The following SESN3 variants were observed in gnomAD, a reference collection of about 807,000 sequenced individuals.
SESN3 encodes sestrin 3.
In SESN3, 21 loss-of-function variants were observed where a neutral mutation model predicts 55.3. The observed-to-expected ratio is 0.38, with a 90% CI of 0.27 to 0.55. The LOEUF (loss-of-function observed/expected upper bound fraction) is 0.55, where lower values mean the gene tolerates loss of function less well. SESN3 is among the 20% of genes least tolerant of loss of function. The pLI, the probability that SESN3 is intolerant of heterozygous loss-of-function variation, is 0.76. For synonymous variants in SESN3, 181 were observed against 203.1 expected, an observed-to-expected ratio of 0.89 and a Z score of 0.93; for missense variants, 408 against 604.3, an observed-to-expected ratio of 0.68 and a Z score of 3.41.
At chr11:95,184,658 A>G (rs1860129595) in intron 5 of SESN3, 64 bp from the exon 6 acceptor site, 2 of 1,445,334 alleles carry the variant, frequency 1.4e-6, no homozygotes, top group Middle Eastern at 1.8e-4. Context: ...AAATATCTCC[A>G]TCTCCAAATG....
At chr11:95,188,100 C>T (rs188968403) in intron 4 of SESN3, among the ~76,000 whole-genome samples, 52 of 151,302 alleles carry the variant, frequency 3.4e-4, no homozygotes, top group African/African-American at 1.3e-3. Context: ...AATTTATCTT[C>T]TAAATCACCT....
chr11:95,202,055 A>G (rs992245569), intron 1 of SESN3, among the ~76,000 whole-genome samples: 1 of 151,902 alleles, frequency 6.6e-6, no homozygotes, highest in Non-Finnish European at 1.5e-5. Context: ...GCCAACTCCC[A>G]AGGTTTCCTA....
Position 95,230,497 on chromosome 11 carries a change from T to C in SESN3, c.78+286A>G, listed in dbSNP as rs930135641. The C allele has an allele frequency of 2.8e-6, 1 of 363,094 alleles. No individual in the cohort carries two copies. The highest frequency in any genetic ancestry group is 5.0e-6 in the Non-Finnish European group (1 of 199,824). 22.5% of individuals were successfully genotyped at this position (363,094 alleles called of 1,614,324 possible). On this transcript the variant is annotated intron_variant, in intron 1 of 9. Coordinates refer to ENST00000536441, the MANE Select transcript of SESN3 (RefSeq NM_144665.4). This position sits in a 1 kb window ranked among gnomAD's most constrained non-coding sequence, Gnocchi z 4.6. ...AAGGAGCCGACCCGGGGTAGCAAGG[T>C]AGGGAAATGAGCCGTAAAGGAGAGC...
chr11:95,193,626 T>G, intron 1 of SESN3, 104 bp from the exon 2 acceptor site: 1 of 675,852 alleles, frequency 1.5e-6, no homozygotes, highest in Non-Finnish European at 2.5e-6. Context: ...GAATAAATAA[T>G]TAAATTATGT....
intron 1 of SESN3, among the ~76,000 whole-genome samples, chr11:95,216,198 C>T (rs1043843360): frequency 3.3e-5 from 5 of 151,660 alleles, no homozygotes; most frequent in African/African-American, 9.7e-5. Context: ...GTGCTCTACA[C>T]CTTCTGTCAA....
At chr11:95,204,598 T>C (rs1466837734) in intron 1 of SESN3, among the ~76,000 whole-genome samples, 1 of 152,108 alleles carries the variant, frequency 6.6e-6, no homozygotes, top group Non-Finnish European at 1.5e-5. Flanking sequence ...ATGGGATTAG[T>C]GCCCTTTATA....
At chr11:95,192,572 C>T (rs1860287862) in intron 2 of SESN3, among the ~76,000 whole-genome samples, 1 of 152,112 alleles carries the variant, frequency 6.6e-6, no homozygotes, top group Non-Finnish European at 1.5e-5. Context: ...TCTTTCCAAA[C>T]ATCCACACTG....
intron 1 of SESN3, among the ~76,000 whole-genome samples, chr11:95,228,242 A>C (rs1860983989): frequency 6.6e-6 from 1 of 152,216 alleles, no homozygotes; most frequent in Admixed American, 6.5e-5. Flanking sequence ...AGTTCCCCTA[A>C]AATTCAACAC....
Position 95,208,569 on chromosome 11 carries a change from A to C in SESN3, c.79-15047T>G, listed in dbSNP as rs935535185. ...TTTCTTCACAGAATTGAAAGAAACTACTTTAAATTTCATATGGAACCAAAA... is the reference window on the plus strand; with the variant it reads ...TTTCTTCACAGAATTGAAAGAAACTCCTTTAAATTTCATATGGAACCAAAA... On this transcript the variant is annotated intron_variant, in intron 1 of 9. Coordinates refer to ENST00000536441, the MANE Select transcript of SESN3 (RefSeq NM_144665.4). Among the ~76,000 whole-genome samples the C allele has an allele frequency of 3.3e-5, 5 of 151,646 alleles. No homozygotes were observed. In the East Asian group the frequency reaches 9.6e-4, roughly 29 times the overall value.
Position 95,209,806 on chromosome 11 carries a change from T to C in SESN3, c.79-16284A>G, listed in dbSNP as rs1163464856. Among the ~76,000 whole-genome samples the C allele has an allele frequency of 4.0e-5, 6 of 150,348 alleles. No individual in the cohort carries two copies. In the East Asian group the frequency reaches 9.7e-4, roughly 24 times the overall value. On this transcript the variant is annotated intron_variant, in intron 1 of 9. Transcript: ENST00000536441. ...CTGAGGCGGGTGGATCTCCTGAGGT[T>C]AGAAGTTTGAGACCAGCCTGGCTAA...
intron 2 of SESN3, among the ~76,000 whole-genome samples, chr11:95,192,128 T>G (rs1860281049): frequency 6.6e-6 from 1 of 152,112 alleles, no homozygotes; most frequent in South Asian, 2.1e-4. Flanking sequence ...TTAGAAGTGT[T>G]AATTGAAAAA....
chr11:95,167,483 T>C lies in SESN3; in HGVS notation c.*5772A>G, dbSNP rs773709635. On this transcript the variant is annotated 3_prime_UTR_variant, in exon 10 of 10. Coordinates refer to ENST00000536441, the MANE Select transcript of SESN3 (RefSeq NM_144665.4). ...TCATTCTGTTTCCCCCCCATATATA[T>C]AATTTTTCATTCTGTACTTCATGGT... 1.3e-5 allele frequency: 2 copies of C among 151,196 alleles called. No individual in the cohort carries two copies. The highest frequency in any genetic ancestry group is 6.6e-5 in the Admixed American group (1 of 15,234). 9.4% of individuals were successfully genotyped at this position (151,196 alleles called of 1,614,324 possible). A position where few individuals can be genotyped will look rare whatever the true frequency, so the allele number is the denominator to read the frequency against.
At chr11:95,206,365 TACACAC>T (rs3032056) in intron 1 of SESN3, among the ~76,000 whole-genome samples, 5,279 of 140,412 alleles carry the variant, frequency 0.038, 178 homozygotes, top group East Asian at 0.21. Context: ...AGTCCTAAAA[TACACAC>T]ACACACACAC....
chr11:95,179,970 A>C (rs1475555404), intron 6 of SESN3, among the ~76,000 whole-genome samples: 1 of 152,190 alleles, frequency 6.6e-6, no homozygotes, highest in African/African-American at 2.4e-5. Flanking sequence ...AATTTATGGA[A>C]AATAATTCTA....
intron 6 of SESN3, 33 bp from the exon 7 acceptor site, chr11:95,178,861 G>T (rs1189831439): frequency 2.4e-6 from 3 of 1,229,484 alleles, no homozygotes; most frequent in Non-Finnish European, 3.6e-6. Flanking sequence ...TAGTGTTAAG[G>T]ATACTGTACG....
At chr11:95,176,131 T>C (rs1226169095) in intron 8 of SESN3, among the ~76,000 whole-genome samples, 1 of 152,268 alleles carries the variant, frequency 6.6e-6, no homozygotes, top group East Asian at 1.9e-4. Flanking sequence ...TGCTGCCAAA[T>C]AGTCAAATAA....
At chr11:95,207,127 G>T (rs1186729195) in intron 1 of SESN3, among the ~76,000 whole-genome samples, 2 of 149,626 alleles carry the variant, frequency 1.3e-5, no homozygotes, top group African/African-American at 4.9e-5. Context: ...AACACCAGAG[G>T]CCTGCACTAG....
rs988350322 is a variant in SESN3 at position 95,165,594 on chromosome 11, A to G, written c.*7661T>C. On this transcript the variant is annotated 3_prime_UTR_variant, in exon 10 of 10. Coordinates refer to ENST00000536441, the MANE Select transcript of SESN3 (RefSeq NM_144665.4). ...ACCAATAAAATTCCTACTAATAACA[A>G]TGAAATAAATTTCTGCAAGTATAAA... 1.3e-5 allele frequency: 2 copies of G among 152,156 alleles called. No homozygotes were observed. Among genetic ancestry groups the G allele is most frequent in the Non-Finnish European group, 2.9e-5 (2 of 67,998 alleles). 9.4% of individuals were successfully genotyped at this position (152,156 alleles called of 1,614,324 possible).
Position 95,230,537 on chromosome 11 carries a change from A to G in SESN3, c.78+246T>C, listed in dbSNP as rs1861036570. The G allele has an allele frequency of 1.2e-5, 6 of 496,660 alleles. No homozygotes were observed. The South Asian group carries it at 1.4e-4, about 12-fold the overall frequency. 30.8% of individuals were successfully genotyped at this position (496,660 alleles called of 1,614,324 possible). A position where few individuals can be genotyped will look rare whatever the true frequency, so the allele number is the denominator to read the frequency against. ...TAAAGGAGAGCAAAGGCACCAAATA[A>G]AAGGAACAAGGGAAGAAAAAATATC... On this transcript the variant is annotated intron_variant, in intron 1 of 9. Transcript: ENST00000536441. This position sits in a 1 kb window ranked among gnomAD's most constrained non-coding sequence, Gnocchi z 4.6.
Sources: gnomAD v4.1 joint callset for allele counts (sites outside exome capture counted in the v4.1 genomes callset) on GRCh38, gnomAD v4.1.1 for gene constraint, Gnocchi (gnomAD v3.1) non-coding constraint, MANE v1.5 for transcripts, NCBI Gene and HGNC (gene_info 2026-07-23, HGNC 2026-07-21) for gene names.